MCTP2: variants seen among roughly 807,000 people sequenced by gnomAD.
MCTP2 encodes the protein multiple C2 and transmembrane domain containing 2.
In MCTP2, 132 loss-of-function variants were observed where a neutral mutation model predicts 111.6. That is an observed-to-expected ratio of 1.18 (90% CI 1.03 to 1.37). The LOEUF (loss-of-function observed/expected upper bound fraction) is 1.37, where lower values mean the gene tolerates loss of function less well. Among genes scored for constraint, MCTP2 ranks in the 40% most tolerant of loss-of-function variants. The probability of loss-of-function intolerance (pLI) is 0.00; values close to 1 mark genes in which losing one functional copy is unlikely to be tolerated. For missense variants in MCTP2, 1,183 were observed against 1,067.9 expected (o/e 1.11, Z -1.50); for synonymous variants, 395 against 387.7 (o/e 1.02, Z -0.22).
chr15:94,352,698 C>T (rs372871570), intron 8 of MCTP2, among the ~76,000 whole-genome samples: 106 of 152,166 alleles, frequency 7.0e-4, no homozygotes, highest in African/African-American at 2.2e-3. Context: ...CGTATAGGTT[C>T]GGGCACAGGC....
At chr15:94,244,470 G>C (rs1393134860) in intron 1 of MCTP2, among the ~76,000 whole-genome samples, 7 of 141,838 alleles carry the variant, frequency 4.9e-5, no homozygotes, top group African/African-American at 1.8e-4. Flanking sequence ...ACATACATAT[G>C]CACCTATGTT....
intron 17 of MCTP2, among the ~76,000 whole-genome samples, chr15:94,437,428 AAT>A (rs1465183568): frequency 6.6e-6 from 1 of 152,074 alleles, no homozygotes; most frequent in Non-Finnish European, 1.5e-5. Context: ...TGCTATTTAT[AAT>A]AGTGTTAAAC....
At chr15:94,464,263 A>ATATATATATATTATATATATATATATAT (rs1567764970) in intron 20 of MCTP2, among the ~76,000 whole-genome samples, 1 of 119,174 alleles carries the variant, frequency 8.4e-6, no homozygotes, top group African/African-American at 3.2e-5. Flanking sequence ...TATATTATAT[A>ATATATATATATTATATATATATATATAT]TATATATATA....
chr15:94,319,791 C>G (rs528821420), intron 4 of MCTP2, among the ~76,000 whole-genome samples: 1 of 152,238 alleles, frequency 6.6e-6, no homozygotes, highest in Admixed American at 6.5e-5. Context: ...AGTATTAACC[C>G]AATTAAAACA....
rs548115424 is a variant in MCTP2 at position 94,409,192 on chromosome 15, G to A, written c.2085+7173G>A. Reference sequence around the variant, plus strand: ...GCCAGTGCAACTAGAATATAAGCAGGCAGAAAAATGTGAAAACAGAGACTG... The same window carrying A: ...GCCAGTGCAACTAGAATATAAGCAGACAGAAAAATGTGAAAACAGAGACTG... On this transcript the variant is annotated intron_variant, in intron 17 of 22. Transcript: ENST00000357742. Among the ~76,000 whole-genome samples, 12 of 152,224 alleles carry A rather than the reference G, an allele frequency of 7.9e-5. No individual in the cohort carries two copies. The East Asian group carries it at 2.3e-3, about 29-fold the overall frequency.
chr15:94,296,760 T>G (rs1034324492), intron 1 of MCTP2, among the ~76,000 whole-genome samples: 3 of 152,208 alleles, frequency 2.0e-5, no homozygotes, highest in Admixed American at 2.0e-4. Context: ...TGGTCCTACC[T>G]CTAAGTAGAA....
intron 2 of MCTP2, among the ~76,000 whole-genome samples, chr15:94,307,599 G>A (rs1045875650): frequency 2.0e-5 from 3 of 152,190 alleles, no homozygotes; most frequent in African/African-American, 7.2e-5. Flanking sequence ...TGCACTGAAT[G>A]AGCGGGATGC....
chr15:94,392,316 G>T (rs1440306720), intron 14 of MCTP2, among the ~76,000 whole-genome samples: 1 of 151,474 alleles, frequency 6.6e-6, no homozygotes, highest in Non-Finnish European at 1.5e-5. Context: ...AGGTTGCAGT[G>T]AGCAGAGATA....
chr15:94,474,328 C>T lies in MCTP2; in HGVS notation c.2471-2368C>T, dbSNP rs571166566. 7.9e-5 allele frequency among the ~76,000 whole-genome samples: 12 copies of T among 152,290 alleles called. No individual in the cohort carries two copies. In the South Asian group the frequency reaches 2.5e-3, roughly 32 times the overall value. ...CATGTACAGTAATGATGGTAGCCCT[C>T]TGCATTGTTGTAGAATTTCAGACTA... On this transcript the variant is annotated intron_variant, in intron 21 of 22. Coordinates refer to ENST00000357742, the MANE Select transcript of MCTP2 (RefSeq NM_001385001.1).
In MCTP2 at chr15:94,464,239, A is replaced by AATAT. The variant is rs1555481312; in HGVS notation, c.2360+6008_2360+6011dup. Among the ~76,000 whole-genome samples, 376 of 89,328 alleles carry AATAT rather than the reference A, an allele frequency of 4.2e-3. 36 individuals are homozygous for AATAT. The highest frequency in any genetic ancestry group is 6.0e-3 in the Admixed American group (55 of 9,206). The allele number at this position is 89,328 out of a possible 152,430, so 58.6% of individuals were successfully genotyped here. On this transcript the variant is annotated intron_variant, in intron 20 of 22. Coordinates refer to ENST00000357742, the MANE Select transcript of MCTP2 (RefSeq NM_001385001.1). ...TGAAATATTATATGTTTATATATAT[A>AATAT]ATATATATATATATATATTATATAT...
intron 12 of MCTP2, among the ~76,000 whole-genome samples, chr15:94,381,312 TCTTG>T (rs754766591): frequency 1.3e-4 from 20 of 152,366 alleles, no homozygotes; most frequent in African/African-American, 2.2e-4. Flanking sequence ...CTTTGTTTCT[TCTTG>T]CTTCTCTCTG....
chr15:94,300,190 G>A (rs181039116), intron 2 of MCTP2, among the ~76,000 whole-genome samples: 1,883 of 151,788 alleles, frequency 0.012, 15 homozygotes, highest in Non-Finnish European at 0.019. Flanking sequence ...TTTTTGAAGC[G>A]ACTGCTGTTA....
chr15:94,400,508 A>T (rs1330372358), intron 16 of MCTP2, among the ~76,000 whole-genome samples: 1 of 151,916 alleles, frequency 6.6e-6, no homozygotes, highest in African/African-American at 2.4e-5. Flanking sequence ...CCCATACTGA[A>T]TGCAAGTTCT....
At chr15:94,371,775 G>A (rs1037004414) in intron 12 of MCTP2, among the ~76,000 whole-genome samples, 1 of 152,136 alleles carries the variant, frequency 6.6e-6, no homozygotes, top group Middle Eastern at 3.4e-3. Context: ...TGCAACCTCC[G>A]CCTACTGGCT....
chr15:94,347,737 T>G (rs1356824157), intron 8 of MCTP2, among the ~76,000 whole-genome samples: 1 of 152,220 alleles, frequency 6.6e-6, no homozygotes, highest in Admixed American at 6.5e-5. Flanking sequence ...CTAATTTGTA[T>G]AACAATTCGA....
At chr15:94,264,252 C>T (rs1213453659) in intron 1 of MCTP2, among the ~76,000 whole-genome samples, 1 of 152,174 alleles carries the variant, frequency 6.6e-6, no homozygotes, top group Non-Finnish European at 1.5e-5. Flanking sequence ...CTATCACTTA[C>T]TGTTTTTGTG....
At chr15:94,327,824 T>C (rs1009641163) in intron 4 of MCTP2, among the ~76,000 whole-genome samples, 10 of 152,198 alleles carry the variant, frequency 6.6e-5, no homozygotes, top group Admixed American at 2.0e-4. Context: ...AACTGAACCA[T>C]TTCCTCTGAA....
At chr15:94,395,611 T>C (rs566417111) in intron 14 of MCTP2, among the ~76,000 whole-genome samples, 1 of 152,234 alleles carries the variant, frequency 6.6e-6, no homozygotes, top group African/African-American at 2.4e-5. Flanking sequence ...AGTTTAGTTT[T>C]TTAATATAAT....
At chr15:94,449,550 A>G (rs1408672798) in intron 19 of MCTP2, among the ~76,000 whole-genome samples, 10 of 152,230 alleles carry the variant, frequency 6.6e-5, no homozygotes, top group Admixed American at 5.2e-4. Flanking sequence ...CAAAGCCTCT[A>G]TGAATACAAA....
Sources: allele counts gnomAD v4.1 joint callset (sites outside exome capture counted in the v4.1 genomes callset), GRCh38; gene constraint gnomAD v4.1.1; transcripts MANE v1.5; gene names NCBI Gene and HGNC (gene_info 2026-07-23, HGNC 2026-07-21).